Variants in OXCT1 observed in about 807,000 individuals in gnomAD.
The protein encoded by OXCT1 is succinyl-CoA:3-ketoacid coenzyme A transferase 1, mitochondrial.
OXCT1 carries 27 observed loss-of-function variants against 69.6 expected under a neutral mutation model. That is an observed-to-expected ratio of 0.39 (90% CI 0.29 to 0.54). OXCT1 has a LOEUF of 0.54. Among genes scored for constraint, OXCT1 ranks in the 20% least tolerant of loss-of-function variants. The pLI is 0.72. For synonymous variants in OXCT1, 202 were observed against 217.8 expected (o/e 0.93, Z 0.64); for missense variants, 437 against 650.2 (o/e 0.67, Z 3.57).
At chr5:41,803,634 G>T (rs554754570) in intron 9 of OXCT1, among the ~76,000 whole-genome samples, 1 of 152,044 alleles carries the variant, frequency 6.6e-6, no homozygotes, top group South Asian at 2.1e-4. Flanking sequence ...CAAAATTTCT[G>T]CCTAAAAGTA....
intron 14 of OXCT1, among the ~76,000 whole-genome samples, chr5:41,758,718 T>C (rs1254199633): frequency 6.6e-6 from 1 of 152,168 alleles, no homozygotes; most frequent in African/African-American, 2.4e-5. Context: ...CCGCAGCACA[T>C]GGTTTACAGG....
intron 6 of OXCT1, 130 bp downstream of exon 6, chr5:41,842,545 A>G (rs1748677691): frequency 4.0e-6 from 3 of 751,606 alleles, no homozygotes; most frequent in South Asian, 2.8e-5. Flanking sequence ...ACACCTATAT[A>G]TGTGCAATAC....
At chr5:41,867,219 CAAAG>C (rs1750030433) in intron 1 of OXCT1, among the ~76,000 whole-genome samples, 1 of 152,126 alleles carries the variant, frequency 6.6e-6, no homozygotes, top group South Asian at 2.1e-4. Context: ...TGTCACAACT[CAAAG>C]GAAGCCTGAA....
chr5:41,828,310 T>C (rs1747913113), intron 7 of OXCT1, among the ~76,000 whole-genome samples: 1 of 151,826 alleles, frequency 6.6e-6, no homozygotes, highest in African/African-American at 2.4e-5. Flanking sequence ...GAGATGGGGT[T>C]TCACCATGTT....
intron 3 of OXCT1, among the ~76,000 whole-genome samples, chr5:41,853,892 C>A (rs1191899375): frequency 6.6e-6 from 1 of 152,122 alleles, no homozygotes; most frequent in Non-Finnish European, 1.5e-5. Context: ...ATTTTCACGG[C>A]TGCAGAGTGA....
At chr5:41,751,526 C>A (rs902493847) in intron 14 of OXCT1, among the ~76,000 whole-genome samples, 1 of 152,134 alleles carries the variant, frequency 6.6e-6, no homozygotes, top group Non-Finnish European at 1.5e-5. Flanking sequence ...GCCATGCCCC[C>A]CACTGTCTCT....
chr5:41,844,970 C>G lies in OXCT1; in HGVS notation c.565-2189G>C, dbSNP rs568745860. On this transcript the variant is annotated intron_variant, in intron 5 of 16. Transcript: ENST00000196371. ...AAAAAAAAAAAAAAGAACCACCACCCCAGCAGCCACAGTGATAGTTACAAA... is the reference window on the plus strand; with the variant it reads ...AAAAAAAAAAAAAAGAACCACCACCGCAGCAGCCACAGTGATAGTTACAAA... Among the ~76,000 whole-genome samples, 627 of 152,044 alleles carry G rather than the reference C, an allele frequency of 4.1e-3. 4 individuals are homozygous for G. The highest frequency in any genetic ancestry group is 0.015 in the African/African-American group (611 of 41,488).
At chr5:41,738,585 C>T (rs1743005417) in intron 16 of OXCT1, among the ~76,000 whole-genome samples, 1 of 152,152 alleles carries the variant, frequency 6.6e-6, no homozygotes, top group African/African-American at 2.4e-5. Context: ...TATAAACTAC[C>T]CAATCTTATG....
chr5:41,741,812 G>C (rs1743183266), intron 15 of OXCT1, among the ~76,000 whole-genome samples: 1 of 152,188 alleles, frequency 6.6e-6, no homozygotes, highest in East Asian at 1.9e-4. Context: ...TTCCAAAAAA[G>C]TTTTTTGGCA....
At position 41,858,565 on chromosome 5, in the gene OXCT1, G is replaced by A. The variant is rs141003407; in HGVS notation, c.278+2749C>T. Among the ~76,000 whole-genome samples, 715 of 152,118 alleles carry A rather than the reference G, an allele frequency of 4.7e-3. 4 individuals carry two copies. Among genetic ancestry groups the A allele is most frequent in the Middle Eastern group, 0.014 (4 of 294 alleles). On this transcript the variant is annotated intron_variant, in intron 3 of 16. Coordinates refer to ENST00000196371, the MANE Select transcript of OXCT1 (RefSeq NM_000436.4). ...ACAAACCTGGGTTTCAAACATTTTG[G>A]TGACTAGAAAAAGTCTAAGGCCAAG...
At chr5:41,847,379 T>C (rs567630017) in intron 5 of OXCT1, among the ~76,000 whole-genome samples, 1 of 151,992 alleles carries the variant, frequency 6.6e-6, no homozygotes, top group African/African-American at 2.4e-5. Context: ...CATTCCTTCT[T>C]AAACTATTCC....
At chr5:41,778,219 A>T (rs1745219317) in intron 13 of OXCT1, among the ~76,000 whole-genome samples, 1 of 152,322 alleles carries the variant, frequency 6.6e-6, no homozygotes, top group South Asian at 2.1e-4. Flanking sequence ...TTACAGATGG[A>T]ATATCTTATT....
intron 7 of OXCT1, among the ~76,000 whole-genome samples, chr5:41,817,625 C>T (rs927786227): frequency 1.3e-5 from 2 of 152,208 alleles, no homozygotes; most frequent in African/African-American, 4.8e-5. Flanking sequence ...TGTGTACTTG[C>T]TATATCCATC....
chr5:41,779,491 A>G (rs1745291095), intron 13 of OXCT1, among the ~76,000 whole-genome samples: 1 of 152,168 alleles, frequency 6.6e-6, no homozygotes, highest in African/African-American at 2.4e-5. Context: ...TCTGGACCAT[A>G]CTGTATTAGA....
At chr5:41,800,933 C>G in intron 11 of OXCT1, 89 bp downstream of exon 11, 1 of 1,137,984 alleles carries the variant, frequency 8.8e-7, no homozygotes, top group Non-Finnish European at 1.3e-6. Context: ...GGAGTGCTCT[C>G]CAGGAAAAGA....
Position 41,817,498 on chromosome 5 carries a change from A to T in OXCT1, c.733-10060T>A, listed in dbSNP as rs538666191. 3.3e-5 allele frequency among the ~76,000 whole-genome samples: 5 copies of T among 152,276 alleles called. No individual in the cohort carries two copies. In the South Asian group the frequency reaches 1.0e-3, roughly 32 times the overall value. On this transcript the variant is annotated intron_variant, in intron 7 of 16. Coordinates refer to ENST00000196371, the MANE Select transcript of OXCT1 (RefSeq NM_000436.4). ...CACATTATTGTGTAGTATCTTTCTA[A>T]TTATTCTGGATATTGAACACTCTAG...
chr5:41,859,800 A>G (rs1411468393), intron 3 of OXCT1, among the ~76,000 whole-genome samples: 2 of 148,826 alleles, frequency 1.3e-5, no homozygotes, highest in Non-Finnish European at 3.0e-5. Flanking sequence ...ACACAACCAG[A>G]CATTTTAGAG....
intron 13 of OXCT1, among the ~76,000 whole-genome samples, chr5:41,766,352 T>A (rs1482680542): frequency 6.6e-6 from 1 of 152,078 alleles, no homozygotes; most frequent in East Asian, 1.9e-4. Context: ...TCAGAATCTA[T>A]TATAAACCAG....
At chr5:41,744,783 A>T (rs1215140538) in intron 15 of OXCT1, among the ~76,000 whole-genome samples, 1 of 152,144 alleles carries the variant, frequency 6.6e-6, no homozygotes, top group Non-Finnish European at 1.5e-5. Flanking sequence ...CTAGTCTCTG[A>T]TAAAACAGAC....
Sources: allele counts gnomAD v4.1 joint callset (sites outside exome capture counted in the v4.1 genomes callset), GRCh38; gene constraint gnomAD v4.1.1; transcripts MANE v1.5; gene names NCBI Gene and HGNC (gene_info 2026-07-23, HGNC 2026-07-21).